Variants in BTG4 observed in about 807,000 individuals in gnomAD.
BTG4 encodes the protein protein BTG4.
Under a neutral mutation model 19.3 loss-of-function variants are expected in BTG4, and 10 were observed. The ratio of observed to expected loss-of-function variants is 0.52; its 90% CI spans 0.32 to 0.88. The LOEUF is 0.88. Among genes scored for constraint, BTG4 ranks in the 40% least tolerant of loss-of-function variants. BTG4 has a pLI of 0.04. For synonymous variants in BTG4, 91 were observed against 95.7 expected (o/e 0.95, Z 0.29); for missense variants, 238 against 281.9 (o/e 0.84, Z 1.11).
intron 5 of BTG4, among the ~76,000 whole-genome samples, chr11:111,484,432 TA>T (rs1422102907): frequency 1.3e-5 from 2 of 152,132 alleles, no homozygotes; most frequent in African/African-American, 2.4e-5. Flanking sequence ...AACTACATTT[TA>T]ATAGATACAC....
At chr11:111,446,782 G>A in the BTG4 span, among the ~76,000 whole-genome samples, 1 of 152,140 alleles carries the variant, frequency 6.6e-6, no homozygotes, top group African/African-American at 2.4e-5. Context: ...ACTGAGATGT[G>A]CAGGGAAGGA....
chr11:111,495,856 T>C (rs1865692466), intron 4 of BTG4, among the ~76,000 whole-genome samples: 1 of 152,240 alleles, frequency 6.6e-6, no homozygotes, highest in African/African-American at 2.4e-5. Context: ...AAACTAATTT[T>C]AAGCTAAATG....
chr11:111,481,238 T>G (rs1265590374), intron 5 of BTG4, among the ~76,000 whole-genome samples: 1 of 151,918 alleles, frequency 6.6e-6, no homozygotes, highest in Admixed American at 6.6e-5. Context: ...TCACCCAATA[T>G]GACACATATT....
chr11:111,444,824 G>A, the BTG4 span, among the ~76,000 whole-genome samples: 4 of 152,282 alleles, frequency 2.6e-5, no homozygotes, highest in South Asian at 2.1e-4. Context: ...GGCTGAAGAC[G>A]TTAGGAAAGA....
chr11:111,393,767 G>A, the BTG4 span, among the ~76,000 whole-genome samples: 4 of 152,282 alleles, frequency 2.6e-5, no homozygotes, highest in African/African-American at 7.2e-5. Context: ...AACTCTGGGA[G>A]CTCCACTACC....
chr11:111,467,157 C>A (rs1214703099), downstream of BTG4, among the ~76,000 whole-genome samples: 1 of 152,170 alleles, frequency 6.6e-6, no homozygotes, highest in Non-Finnish European at 1.5e-5. Flanking sequence ...CATTAATTAA[C>A]TCATGTAATC....
intron 5 of BTG4, among the ~76,000 whole-genome samples, chr11:111,471,160 A>T (rs1466660011): frequency 2.0e-5 from 3 of 152,216 alleles, no homozygotes; most frequent in African/African-American, 7.2e-5. Flanking sequence ...CAAAGTAGGT[A>T]GTGTCTATAC....
At chr11:111,499,345 G>C (rs564116445) in intron 1 of BTG4, among the ~76,000 whole-genome samples, 4 of 152,326 alleles carry the variant, frequency 2.6e-5, no homozygotes, top group Non-Finnish European at 5.9e-5. Context: ...GTGAGTTCGA[G>C]GCTGAAGTTT....
chr11:111,461,749 G>C, the BTG4 span: 5 of 152,564 alleles, frequency 3.3e-5, no homozygotes, highest in African/African-American at 1.2e-4. Flanking sequence ...ATAAAACCAA[G>C]TTGATGGCCT....
At chr11:111,487,249 CT>C (rs1865124346) in intron 5 of BTG4, among the ~76,000 whole-genome samples, 1 of 152,136 alleles carries the variant, frequency 6.6e-6, no homozygotes, top group African/African-American at 2.4e-5. Flanking sequence ...GGCTCCATGT[CT>C]TTGCCATTGT....
chr11:111,386,263 T>C, the BTG4 span: 2 of 152,230 alleles, frequency 1.3e-5, no homozygotes, highest in Admixed American at 6.5e-5. Context: ...CATCATGTAA[T>C]TGTGCCAAGT....
At chr11:111,429,076 T>G in the BTG4 span, among the ~76,000 whole-genome samples, 46,883 of 152,122 alleles carry the variant, frequency 0.31, 7,335 homozygotes, top group Admixed American at 0.34. Flanking sequence ...TTTGCCATTT[T>G]AGCCATTTTA....
chr11:111,478,894 C>T (rs955053529), intron 5 of BTG4, among the ~76,000 whole-genome samples: 4 of 151,700 alleles, frequency 2.6e-5, no homozygotes, highest in East Asian at 3.9e-4. Flanking sequence ...AAAGATGGAG[C>T]ATTCAAGTAA....
the BTG4 span, chr11:111,459,719 G>A: frequency 1.3e-5 from 2 of 152,638 alleles, no homozygotes; most frequent in African/African-American, 2.4e-5. Context: ...TGCCTATCCT[G>A]GGCATGGAGC....
In BTG4 at chr11:111,494,894, C is replaced by T. The variant is rs1865624321; in HGVS notation, c.*241G>A. On this transcript the variant is annotated 3_prime_UTR_variant, in exon 5 of 5. Coordinates refer to ENST00000692032, the MANE Select transcript of BTG4 (RefSeq NM_001367975.1). ...CTTATTAGAGGTCAACATCTTCATT[C>T]TGTTACCTTACTGGGTACATTCACT... 10 of 984,486 alleles carry T rather than the reference C, an allele frequency of 1.0e-5. No homozygotes were observed. Among genetic ancestry groups the T allele is most frequent in the Non-Finnish European group, 1.2e-5 (10 of 829,222 alleles). The allele number at this position is 984,486 out of a possible 1,614,324, so 61.0% of individuals were successfully genotyped here. A position where few individuals can be genotyped will look rare whatever the true frequency, so the allele number is the denominator to read the frequency against.
At chr11:111,479,142 A>G (rs1001496091) in intron 5 of BTG4, among the ~76,000 whole-genome samples, 1 of 152,138 alleles carries the variant, frequency 6.6e-6, no homozygotes, top group African/African-American at 2.4e-5. Context: ...CTACCACTAG[A>G]GGAAAAACAA....
chr11:111,498,111 C>T lies in BTG4; in HGVS notation c.198G>A (p.Gln66=), dbSNP rs752270103. ...CCCTTTCTAGAATGGGATCTTTATT[C>T]TGATTGTTGTTTATCCTGATGCACC... ...AFRCIRINNN[Q]NKDPILERAC... The change falls in exon 3 of 5, where the codon CAG becomes CAA. Residue 66 remains glutamine (Q), a synonymous_variant. Coordinates refer to ENST00000692032, the MANE Select transcript of BTG4 (RefSeq NM_001367975.1). 15 of 1,613,954 alleles carry T rather than the reference C, an allele frequency of 9.3e-6. No homozygotes were observed. The highest frequency in any genetic ancestry group is 1.3e-5 in the Non-Finnish European group (15 of 1,179,984).
At chr11:111,393,280 T>C in the BTG4 span, among the ~76,000 whole-genome samples, 2 of 152,242 alleles carry the variant, frequency 1.3e-5, no homozygotes, top group East Asian at 1.9e-4. Context: ...GACGGTCATA[T>C]GCACTCACCT....
intron 5 of BTG4, among the ~76,000 whole-genome samples, chr11:111,471,702 G>A (rs1467789665): frequency 1.3e-5 from 2 of 152,070 alleles, no homozygotes; most frequent in African/African-American, 4.8e-5. Flanking sequence ...ATATGTCAAT[G>A]ACCCTCAAAT....
Sources: gnomAD v4.1 joint callset for allele counts (sites outside exome capture counted in the v4.1 genomes callset) on GRCh38, gnomAD v4.1.1 for gene constraint, MANE v1.5 for transcripts, NCBI Gene and HGNC (gene_info 2026-07-23, HGNC 2026-07-21) for gene names.